Variants in THEMIS observed in about 807,000 individuals in gnomAD.
The protein encoded by THEMIS is thymocyte selection associated, also known as protein THEMIS.
In THEMIS, 37 loss-of-function variants were observed where a neutral mutation model predicts 52.6. The observed-to-expected ratio is 0.70, with a 90% CI of 0.54 to 0.93. The LOEUF is 0.93. Among genes scored for constraint, THEMIS ranks in the 40% least tolerant of loss-of-function variants. The pLI is 0.00. For missense variants in THEMIS, 808 were observed against 763.1 expected, an observed-to-expected ratio of 1.06 and a Z score of -0.69; for synonymous variants, 292 against 272.7, an observed-to-expected ratio of 1.07 and a Z score of -0.70.
rs578211524 is a variant in THEMIS, at chr6:127,791,723, A to C, written c.1758+21160T>G. On this transcript the variant is annotated intron_variant, in intron 4 of 5. Coordinates refer to ENST00000368248, the MANE Select transcript of THEMIS (RefSeq NM_001010923.3). The stretch of plus-strand genomic sequence containing the variant: ...AAGTGGTGCCTGCAAGACTGCGCTG[A>C]GCCACCCTTAGCCCCCACCTCACCC... Among the ~76,000 whole-genome samples the C allele has an allele frequency of 1.8e-4, 28 of 152,254 alleles. No homozygotes were observed. The South Asian group carries it at 5.8e-3, about 32-fold the overall frequency.
At chr6:127,825,646 T>C (rs1211939526) in intron 3 of THEMIS, among the ~76,000 whole-genome samples, 1 of 152,134 alleles carries the variant, frequency 6.6e-6, no homozygotes, top group Non-Finnish European at 1.5e-5. Context: ...ACCAGGATTA[T>C]TTTAAATGGA....
At chr6:127,744,318 A>T (rs1055473175) in intron 4 of THEMIS, among the ~76,000 whole-genome samples, 6 of 152,006 alleles carry the variant, frequency 3.9e-5, no homozygotes, top group Non-Finnish European at 7.4e-5. Context: ...ATACTGCATC[A>T]CCTCCAAGAA....
Position 127,823,809 on chromosome 6 carries a change from C to T in THEMIS, c.709+5667G>A, listed in dbSNP as rs903674482. ...ATACCTTTTCAATCCTTTCTCCCAT[C>T]AAATTTACCACAGGGGTAAGAAGTC... On this transcript the variant is annotated intron_variant, in intron 3 of 5. Coordinates refer to ENST00000368248, the MANE Select transcript of THEMIS (RefSeq NM_001010923.3). Among the ~76,000 whole-genome samples the T allele has an allele frequency of 2.6e-5, 4 of 152,028 alleles. 1 individual carries two copies. The highest frequency in any genetic ancestry group is 9.7e-5 in the African/African-American group (4 of 41,364).
chr6:127,757,534 G>C (rs1196298469), intron 4 of THEMIS, among the ~76,000 whole-genome samples: 1 of 151,714 alleles, frequency 6.6e-6, no homozygotes, highest in East Asian at 1.9e-4. Flanking sequence ...CCAGGCTGGA[G>C]TGCAGTGGCG....
intron 1 of THEMIS, among the ~76,000 whole-genome samples, chr6:127,898,939 G>A (rs1347919102): frequency 1.3e-5 from 2 of 151,850 alleles, no homozygotes; most frequent in Non-Finnish European, 2.9e-5. Context: ...GAGATAGAGA[G>A]TAGAATGATG....
intron 4 of THEMIS, among the ~76,000 whole-genome samples, chr6:127,784,919 T>C (rs1256275201): frequency 1.3e-5 from 2 of 152,154 alleles, no homozygotes; most frequent in African/African-American, 2.4e-5. Context: ...GGCATTCTAA[T>C]TCTAAATCTT....
chr6:127,697,009 A>G, the THEMIS span, among the ~76,000 whole-genome samples: 1 of 152,032 alleles, frequency 6.6e-6, no homozygotes, highest in Admixed American at 6.6e-5. Flanking sequence ...ATGCGCCCAC[A>G]CACACATACA....
At chr6:127,715,230 C>T (rs1195959686) in intron 5 of THEMIS, among the ~76,000 whole-genome samples, 6 of 151,622 alleles carry the variant, frequency 4.0e-5, no homozygotes, top group Non-Finnish European at 5.9e-5. Context: ...CTACTAATAT[C>T]GTTATTCTGT....
chr6:127,709,774 G>T lies in THEMIS; in HGVS notation c.*211C>A. The T allele has an allele frequency of 2.2e-6, 1 of 457,570 alleles. No homozygotes were observed. The highest frequency in any genetic ancestry group is 3.8e-6 in the Non-Finnish European group (1 of 260,790). 28.3% of individuals were successfully genotyped at this position (457,570 alleles called of 1,614,324 possible). A position where few individuals can be genotyped will look rare whatever the true frequency, so the allele number is the denominator to read the frequency against. ...CAACAACACAATGCCTACAGATTTA[G>T]ACACAACAGAATAGACTATATGAAT... On this transcript the variant is annotated 3_prime_UTR_variant, in exon 6 of 6. Transcript: ENST00000368248.
intron 1 of THEMIS, among the ~76,000 whole-genome samples, chr6:127,887,250 A>G (rs1780674389): frequency 6.6e-6 from 1 of 152,176 alleles, no homozygotes; most frequent in African/African-American, 2.4e-5. Flanking sequence ...AAGAGGACAA[A>G]TAAACTGCTA....
downstream of THEMIS, among the ~76,000 whole-genome samples, chr6:127,703,152 A>G (rs535995595): frequency 1.5e-5 from 2 of 136,732 alleles, no homozygotes; most frequent in African/African-American, 5.5e-5. Context: ...GGTTCACGCC[A>G]TTCTCCTGCC....
intron 1 of THEMIS, among the ~76,000 whole-genome samples, chr6:127,876,702 T>C (rs1319276284): frequency 6.6e-6 from 1 of 152,148 alleles, no homozygotes; most frequent in African/African-American, 2.4e-5. Context: ...GAATAGCATA[T>C]GGATTTAAGA....
chr6:127,750,596 A>T (rs930355379), intron 4 of THEMIS, among the ~76,000 whole-genome samples: 6 of 151,834 alleles, frequency 4.0e-5, no homozygotes, highest in African/African-American at 1.4e-4. Context: ...AACATAGTCA[A>T]ACTAGAACTT....
intron 1 of THEMIS, among the ~76,000 whole-genome samples, chr6:127,858,050 T>C (rs1050377117): frequency 6.6e-6 from 1 of 152,092 alleles, no homozygotes; most frequent in Non-Finnish European, 1.5e-5. Flanking sequence ...GATTATCTAA[T>C]TGTAAATGTA....
chr6:127,828,159 C>G (rs2114655546), intron 3 of THEMIS, among the ~76,000 whole-genome samples: 1 of 152,294 alleles, frequency 6.6e-6, no homozygotes, highest in Admixed American at 6.5e-5. Context: ...GTTGTAACCA[C>G]TTTATCCATG....
rs1272594699 is a variant in THEMIS, at chr6:127,709,796, G to C, written c.*189C>G. The C allele has an allele frequency of 5.4e-6, 3 of 552,436 alleles. No individual in the cohort carries two copies. The highest frequency in any genetic ancestry group is 3.8e-5 in the Admixed American group (1 of 26,074). The allele number at this position is 552,436 out of a possible 1,614,324, so 34.2% of individuals were successfully genotyped here. On this transcript the variant is annotated 3_prime_UTR_variant, in exon 6 of 6. Coordinates refer to ENST00000368248, the MANE Select transcript of THEMIS (RefSeq NM_001010923.3). The stretch of plus-strand genomic sequence containing the variant: ...TTAGACACAACAGAATAGACTATAT[G>C]AATTCTATATCATAGGTTTCTGTAA...
chr6:127,904,602 C>T (rs536658511), upstream of THEMIS, among the ~76,000 whole-genome samples: 2 of 151,958 alleles, frequency 1.3e-5, no homozygotes, highest in African/African-American at 4.8e-5. Flanking sequence ...TTTAAAAATA[C>T]AACATCTATA....
chr6:127,726,304 A>G (rs752132005), intron 4 of THEMIS, among the ~76,000 whole-genome samples: 5 of 152,112 alleles, frequency 3.3e-5, no homozygotes, highest in Non-Finnish European at 7.4e-5. Flanking sequence ...CTATTTCCCT[A>G]GTTGCTCTAA....
At chr6:127,838,092 G>T (rs1778930245) in intron 2 of THEMIS, among the ~76,000 whole-genome samples, 1 of 151,974 alleles carries the variant, frequency 6.6e-6, no homozygotes, top group East Asian at 1.9e-4. Flanking sequence ...TTCCAGGATG[G>T]CAGAACCAAG....
Sources: allele counts gnomAD v4.1 joint callset (sites outside exome capture counted in the v4.1 genomes callset), GRCh38; gene constraint gnomAD v4.1.1; transcripts MANE v1.5; gene names NCBI Gene and HGNC (gene_info 2026-07-23, HGNC 2026-07-21).